The following TCF12 variants were observed in gnomAD, a reference collection of about 807,000 sequenced individuals.
TCF12 encodes the protein DNA-binding protein HTF4.
Under a neutral mutation model 86.0 loss-of-function variants are expected in TCF12, and 45 were observed. That is an observed-to-expected ratio of 0.52 (90% CI 0.41 to 0.67). TCF12 has a LOEUF of 0.67. Ranked by LOEUF, TCF12 falls within the 30% of genes least tolerant of loss-of-function variation. The pLI is 0.00. For synonymous variants in TCF12, 330 were observed against 299.6 expected, an observed-to-expected ratio of 1.10 and a Z score of -1.05; for missense variants, 881 against 859.9, an observed-to-expected ratio of 1.02 and a Z score of -0.31.
chr15:57,265,866 T>C (rs1172682171), intron 18 of TCF12, among the ~76,000 whole-genome samples: 1 of 152,216 alleles, frequency 6.6e-6, no homozygotes, highest in Non-Finnish European at 1.5e-5. Context: ...TGTGTTGTGC[T>C]GCAGCCTTAC....
intron 13 of TCF12, among the ~76,000 whole-genome samples, chr15:57,250,856 A>G (rs1326342011): frequency 6.7e-6 from 1 of 149,306 alleles, no homozygotes; most frequent in Non-Finnish European, 1.5e-5. Context: ...AGATCGTGCC[A>G]CTGCGCTCCA....
chr15:57,057,564 CT>C (rs1387886063), intron 3 of TCF12, among the ~76,000 whole-genome samples: 1 of 152,224 alleles, frequency 6.6e-6, no homozygotes, highest in Non-Finnish European at 1.5e-5. Flanking sequence ...TAGATATTTT[CT>C]TTCCGCCAGC....
At chr15:56,957,469 G>GT (rs2061548914) in intron 3 of TCF12, among the ~76,000 whole-genome samples, 1 of 152,110 alleles carries the variant, frequency 6.6e-6, no homozygotes, top group African/African-American at 2.4e-5. Flanking sequence ...AAATTTACTA[G>GT]TTTTTCTTCC....
At position 57,198,796 on chromosome 15, in the gene TCF12, A is replaced by T. The variant is rs1483976729; in HGVS notation, c.579+971A>T. Among the ~76,000 whole-genome samples the T allele has an allele frequency of 2.6e-5, 4 of 152,186 alleles. 1 individual carries two copies. The highest frequency in any genetic ancestry group is 5.9e-5 in the Non-Finnish European group (4 of 68,034). On this transcript the variant is annotated intron_variant, in intron 8 of 20. Transcript: ENST00000333725. ...GGGCGCAGGTGCCGCCAGATGAGTC[A>T]GCTCATCGAAGTATAGACTGAATGG... is the stretch of plus-strand genomic sequence containing the variant.
At chr15:56,923,205 C>T (rs1392586042) in intron 3 of TCF12, among the ~76,000 whole-genome samples, 2 of 151,976 alleles carry the variant, frequency 1.3e-5, no homozygotes, top group Non-Finnish European at 2.9e-5. Flanking sequence ...GAGGAAGACT[C>T]AATTTCACAG....
intron 8 of TCF12, among the ~76,000 whole-genome samples, chr15:57,223,028 T>C (rs1177936341): frequency 6.6e-6 from 1 of 151,862 alleles, no homozygotes; most frequent in African/African-American, 2.4e-5. Flanking sequence ...CTTCTTTGAA[T>C]GGAATCTGGG....
chr15:57,145,619 A>G (rs1465224951), intron 5 of TCF12, among the ~76,000 whole-genome samples: 1 of 152,202 alleles, frequency 6.6e-6, no homozygotes, highest in Non-Finnish European at 1.5e-5. Flanking sequence ...TTCATTTAAA[A>G]AATATATTTT....
intron 5 of TCF12, among the ~76,000 whole-genome samples, chr15:57,163,597 G>A (rs1363018335): frequency 6.6e-6 from 1 of 152,160 alleles, no homozygotes; most frequent in African/African-American, 2.4e-5. Context: ...CAGCTACTTG[G>A]GAGGCTGAGG....
intron 5 of TCF12, among the ~76,000 whole-genome samples, chr15:57,105,599 A>T (rs1306914656): frequency 6.6e-6 from 1 of 152,078 alleles, no homozygotes; most frequent in Non-Finnish European, 1.5e-5. Flanking sequence ...TTTAGTAGAT[A>T]CAGGGGTTCA....
At chr15:56,972,539 G>C (rs1621520) in intron 3 of TCF12, among the ~76,000 whole-genome samples, 152,115 of 152,286 alleles carry the variant, frequency 1, 75,973 homozygotes, top group Middle Eastern at 1. Flanking sequence ...TACCACACTT[G>C]CTTAGGTAGT....
chr15:57,235,155 ATGTT>A (rs1178674171), intron 12 of TCF12, among the ~76,000 whole-genome samples: 1 of 152,248 alleles, frequency 6.6e-6, no homozygotes, highest in Non-Finnish European at 1.5e-5. Flanking sequence ...AGCTCAGTGA[ATGTT>A]TGTTGAATTC....
intron 4 of TCF12, among the ~76,000 whole-genome samples, chr15:57,076,908 A>G (rs2151034196): frequency 6.6e-6 from 1 of 152,088 alleles, no homozygotes; most frequent in East Asian, 1.9e-4. Context: ...TGTTGAAAAG[A>G]TTTTTCTTCC....
At chr15:57,081,328 C>A (rs1179284470) in intron 4 of TCF12, among the ~76,000 whole-genome samples, 1 of 152,120 alleles carries the variant, frequency 6.6e-6, no homozygotes, top group Non-Finnish European at 1.5e-5. Flanking sequence ...TCTGGACAGA[C>A]AGCCTGGATT....
intron 8 of TCF12, chr15:57,219,380 C>T: frequency 7.6e-7 from 1 of 1,321,890 alleles, no homozygotes. Flanking sequence ...TTGGTTCAGT[C>T]CTATTTTGCA....
At chr15:57,255,967 A>G (rs2060328367) in intron 16 of TCF12, among the ~76,000 whole-genome samples, 1 of 152,202 alleles carries the variant, frequency 6.6e-6, no homozygotes, top group Non-Finnish European at 1.5e-5. Context: ...CAGCGGGTAC[A>G]GAGCTGTGGA....
At chr15:57,070,170 C>G (rs1213727351) in intron 4 of TCF12, among the ~76,000 whole-genome samples, 3 of 152,064 alleles carry the variant, frequency 2.0e-5, no homozygotes, top group Admixed American at 6.5e-5. Context: ...GTATATGATT[C>G]AGCACAAGAT....
chr15:56,940,929 T>C (rs1567137282), intron 3 of TCF12, among the ~76,000 whole-genome samples: 1 of 150,086 alleles, frequency 6.7e-6, no homozygotes, highest in East Asian at 2.0e-4. Flanking sequence ...TTTTTTTTTT[T>C]TTTTCTTTTT....
At chr15:57,040,288 G>A (rs1384701798) in intron 3 of TCF12, among the ~76,000 whole-genome samples, 2 of 152,164 alleles carry the variant, frequency 1.3e-5, no homozygotes, top group African/African-American at 2.4e-5. Flanking sequence ...AACGTGGGCT[G>A]TATATTTGTG....
intron 6 of TCF12, among the ~76,000 whole-genome samples, chr15:57,177,365 G>A (rs2055997612): frequency 6.6e-6 from 1 of 150,478 alleles, no homozygotes; most frequent in African/African-American, 2.4e-5. Flanking sequence ...TGCCTCCCAG[G>A]TTCAAGCAGT....
Sources: allele counts gnomAD v4.1 joint callset (sites outside exome capture counted in the v4.1 genomes callset), GRCh38; gene constraint gnomAD v4.1.1; transcripts MANE v1.5; gene names NCBI Gene and HGNC (gene_info 2026-07-23, HGNC 2026-07-21).